Variants in SSBP3 observed in about 807,000 individuals in gnomAD.
SSBP3 encodes the protein single-stranded DNA-binding protein 3.
SSBP3 carries 5 observed loss-of-function variants against 69.6 expected under a neutral mutation model. That is an observed-to-expected ratio of 0.07 (90% CI 0.04 to 0.15). The LOEUF is 0.15. Ranked by LOEUF, SSBP3 falls within the 10% of genes least tolerant of loss-of-function variation. SSBP3 has a pLI of 1.00. For synonymous variants in SSBP3, 196 were observed against 193.4 expected, an observed-to-expected ratio of 1.01 and a Z score of -0.11; for missense variants, 312 against 534.0, an observed-to-expected ratio of 0.58 and a Z score of 4.10.
chr1:54,407,348 C>A (rs946992591), upstream of SSBP3, among the ~76,000 whole-genome samples: 14 of 151,600 alleles, frequency 9.2e-5, no homozygotes, highest in Non-Finnish European at 1.6e-4. Context: ...CTGCAAACTT[C>A]AAATAAATGG....
intron 4 of SSBP3, among the ~76,000 whole-genome samples, chr1:54,332,121 G>C (rs1646427719): frequency 6.6e-6 from 1 of 152,212 alleles, no homozygotes; most frequent in South Asian, 2.1e-4. Flanking sequence ...GGCTGAGAGT[G>C]GATTCCAGGC....
intron 4 of SSBP3, among the ~76,000 whole-genome samples, chr1:54,288,852 C>T (rs1645541729): frequency 1.3e-5 from 2 of 151,762 alleles, no homozygotes; most frequent in South Asian, 2.1e-4. Flanking sequence ...CAAGTCTCTA[C>T]TAAAAATACC....
At chr1:54,235,794 A>G (rs1420371991) in intron 14 of SSBP3, among the ~76,000 whole-genome samples, 1 of 152,192 alleles carries the variant, frequency 6.6e-6, no homozygotes. Context: ...GGATGTTATA[A>G]ATTAAAATTG....
At chr1:54,243,242 T>C in exon 10 of SSBP3, 1 of 1,613,190 alleles carries the variant, frequency 6.2e-7, no homozygotes, top group Non-Finnish European at 8.5e-7. Context: ...TACATGTTAA[T>C]CCCGGGCATG....
intron 4 of SSBP3, among the ~76,000 whole-genome samples, chr1:54,297,611 A>G (rs1645724898): frequency 6.6e-6 from 1 of 152,188 alleles, no homozygotes; most frequent in Non-Finnish European, 1.5e-5. Flanking sequence ...AGCCTGGGAG[A>G]CAGAGTGAGA....
At chr1:54,291,686 T>C (rs1319829241) in intron 4 of SSBP3, among the ~76,000 whole-genome samples, 2 of 152,256 alleles carry the variant, frequency 1.3e-5, no homozygotes, top group Admixed American at 6.5e-5. Context: ...CATTAATTGA[T>C]TTATTACTGC....
intron 4 of SSBP3, among the ~76,000 whole-genome samples, chr1:54,399,139 T>C (rs965763931): frequency 1.3e-5 from 2 of 152,196 alleles, no homozygotes; most frequent in Non-Finnish European, 2.9e-5. Context: ...GCCTGCTACA[T>C]GGAAGGTACT....
chr1:54,305,750 G>A (rs983376186), intron 4 of SSBP3, among the ~76,000 whole-genome samples: 11 of 151,542 alleles, frequency 7.3e-5, no homozygotes, highest in Admixed American at 2.6e-4. Flanking sequence ...GAGCCACTGC[G>A]TCCGGCTGAG....
intron 14 of SSBP3, among the ~76,000 whole-genome samples, chr1:54,234,826 T>C (rs1371743888): frequency 6.6e-6 from 1 of 150,602 alleles, no homozygotes; most frequent in Non-Finnish European, 1.5e-5. Context: ...TGCAGTGGCA[T>C]GATCATGGCT....
intron 9 of SSBP3, among the ~76,000 whole-genome samples, chr1:54,244,664 G>T (rs942630041): frequency 6.6e-6 from 1 of 152,192 alleles, no homozygotes; most frequent in African/African-American, 2.4e-5. Flanking sequence ...CGTATCACGC[G>T]CATCTCTTCC....
chr1:54,291,292 G>A (rs752695271), intron 4 of SSBP3, among the ~76,000 whole-genome samples: 1 of 152,194 alleles, frequency 6.6e-6, no homozygotes, highest in Non-Finnish European at 1.5e-5. Flanking sequence ...CTCCTCTGCT[G>A]TGACAGGACA....
intron 3 of SSBP3, 57 bp from the exon 4 acceptor site, chr1:54,402,002 G>A: frequency 1.3e-6 from 2 of 1,487,378 alleles, no homozygotes; most frequent in Non-Finnish European, 1.9e-6. Flanking sequence ...GTGTACACAA[G>A]GGCAAGTGCA....
rs746933473 is a variant in SSBP3 at position 54,276,608 on chromosome 1, C to CAAAAAAAAAAAAAAAAAAA, written c.366+4811_366+4829dup. Among the ~76,000 whole-genome samples, 11 of 35,214 alleles carry CAAAAAAAAAAAAAAAAAAA rather than the reference C, an allele frequency of 3.1e-4. 2 individuals carry two copies. Among genetic ancestry groups the CAAAAAAAAAAAAAAAAAAA allele is most frequent in the African/African-American group, 1.6e-3 (11 of 6,692 alleles). The allele number at this position is 35,214 out of a possible 152,430, so 23.1% of individuals were successfully genotyped here. ...TGGGTGACAGAGTGAGACTCTGTCT[C>CAAAAAAAAAAAAAAAAAAA]AAAAAAAAAAAAAAAAAAAAAAAAA... is the stretch of plus-strand genomic sequence containing the variant. On this transcript the variant is annotated intron_variant, in intron 5 of 17. Transcript: ENST00000610401.
chr1:54,312,416 C>A (rs947664868), intron 4 of SSBP3, among the ~76,000 whole-genome samples: 1 of 151,764 alleles, frequency 6.6e-6, no homozygotes, highest in African/African-American at 2.4e-5. Context: ...ATGGTGAAAC[C>A]TCGTCTCTAT....
At chr1:54,366,999 G>A (rs1274420611) in intron 4 of SSBP3, among the ~76,000 whole-genome samples, 1 of 152,170 alleles carries the variant, frequency 6.6e-6, no homozygotes, top group Non-Finnish European at 1.5e-5. Flanking sequence ...GTGCTGGAAA[G>A]GGAACTGTGC....
At chr1:54,359,905 G>C (rs934145501) in intron 4 of SSBP3, among the ~76,000 whole-genome samples, 1 of 151,748 alleles carries the variant, frequency 6.6e-6, no homozygotes, top group African/African-American at 2.4e-5. Flanking sequence ...TTGAAGAAAT[G>C]TTCAGATCAT....
chr1:54,315,388 A>C (rs1241908511), intron 4 of SSBP3, among the ~76,000 whole-genome samples: 1 of 152,086 alleles, frequency 6.6e-6, no homozygotes, highest in African/African-American at 2.4e-5. Flanking sequence ...CTCACCACAC[A>C]CCACTTGGTA....
intron 4 of SSBP3, among the ~76,000 whole-genome samples, chr1:54,335,132 A>G (rs1230568932): frequency 6.6e-6 from 1 of 152,214 alleles, no homozygotes; most frequent in African/African-American, 2.4e-5. Flanking sequence ...TTGTTTGCCC[A>G]ACACCCGGAC....
At chr1:54,354,769 C>G (rs12145704) in intron 4 of SSBP3, among the ~76,000 whole-genome samples, 1 of 152,162 alleles carries the variant, frequency 6.6e-6, no homozygotes, top group African/African-American at 2.4e-5. Flanking sequence ...GCCAACCAAT[C>G]GGAGATCCCT....
Sources: allele counts gnomAD v4.1 joint callset (sites outside exome capture counted in the v4.1 genomes callset), GRCh38; gene constraint gnomAD v4.1.1; transcripts MANE v1.5; gene names NCBI Gene and HGNC (gene_info 2026-07-23, HGNC 2026-07-21).